SLC26A7: variants seen among roughly 807,000 people sequenced by gnomAD.
SLC26A7 encodes anion exchange transporter.
In SLC26A7, 59 loss-of-function variants were observed where a neutral mutation model predicts 82.5. The ratio of observed to expected loss-of-function variants is 0.72; its 90% CI spans 0.58 to 0.89. The LOEUF (loss-of-function observed/expected upper bound fraction) is 0.89. Ranked by LOEUF, SLC26A7 falls within the 40% of genes least tolerant of loss-of-function variation. SLC26A7 has a pLI of 0.00. For missense variants in SLC26A7, 820 were observed against 793.0 expected (o/e 1.03, Z -0.41); for synonymous variants, 271 against 274.3 (o/e 0.99, Z 0.12).
At chr8:91,389,907 C>G (rs867408704) in intron 16 of SLC26A7, among the ~76,000 whole-genome samples, 3 of 152,264 alleles carry the variant, frequency 2.0e-5, no homozygotes, top group Non-Finnish European at 2.9e-5. Flanking sequence ...TTTCTCTGTT[C>G]TCTCAGGCAA....
At chr8:91,302,143 T>C (rs1373021125) in intron 4 of SLC26A7, among the ~76,000 whole-genome samples, 4 of 152,104 alleles carry the variant, frequency 2.6e-5, no homozygotes, top group African/African-American at 9.7e-5. Flanking sequence ...TTTGTGAGTG[T>C]TTCATGAGCA....
chr8:91,389,301 A>AT (rs747849716), intron 15 of SLC26A7, 37 bp from the exon 16 acceptor site: 1 of 1,525,716 alleles, frequency 6.6e-7, no homozygotes, highest in Admixed American at 1.7e-5. Flanking sequence ...AAGTCTCTTA[A>AT]AACTCTCCCT....
intron 15 of SLC26A7, among the ~76,000 whole-genome samples, chr8:91,379,749 C>T (rs1182188213): frequency 6.6e-6 from 1 of 151,794 alleles, no homozygotes; most frequent in East Asian, 1.9e-4. Context: ...AATAAATTTC[C>T]TTAAAACAAG....
intron 18 of SLC26A7, 82 bp downstream of exon 18, chr8:91,394,121 T>C: frequency 6.3e-7 from 1 of 1,589,792 alleles, no homozygotes; most frequent in Non-Finnish European, 8.6e-7. Flanking sequence ...TATATTAGCT[T>C]ATTACTCCAT....
At chr8:91,342,490 A>G (rs890451861) in intron 8 of SLC26A7, among the ~76,000 whole-genome samples, 1 of 152,192 alleles carries the variant, frequency 6.6e-6, no homozygotes, top group Admixed American at 6.5e-5. Context: ...TGATGTAGTG[A>G]TGGATGAGAT....
rs1301895159 is a variant in SLC26A7 at position 91,307,383 on chromosome 8, A to C, written c.478-10833A>C. ...ATTGTGGCATTATTCACAATAGCAA[A>C]GACTTGGAACCAACCCAAATGTCCA... On this transcript the variant is annotated intron_variant, in intron 4 of 18. Coordinates refer to ENST00000276609, the MANE Select transcript of SLC26A7 (RefSeq NM_052832.4). Among the ~76,000 whole-genome samples, 7 of 140,386 alleles carry C rather than the reference A, an allele frequency of 5.0e-5. No individual in the cohort carries two copies. The East Asian group carries it at 1.5e-3, about 29-fold the overall frequency. 92.1% of individuals were successfully genotyped at this position (140,386 alleles called of 152,430 possible).
chr8:91,367,536 C>A (rs1019809872), intron 14 of SLC26A7, among the ~76,000 whole-genome samples: 6 of 151,356 alleles, frequency 4.0e-5, no homozygotes, highest in African/African-American at 1.5e-4. Context: ...CATTTGAATC[C>A]TTAAGCCTCT....
chr8:91,281,521 G>C (rs79482364), intron 2 of SLC26A7, among the ~76,000 whole-genome samples: 1 of 152,054 alleles, frequency 6.6e-6, no homozygotes, highest in African/African-American at 2.4e-5. Flanking sequence ...GGTATCCCGG[G>C]GTGTCCTAGA....
Position 91,249,634 on chromosome 8 carries a change from C to T in SLC26A7, c.-18C>T, listed in dbSNP as rs1380681290. The T allele has an allele frequency of 4.0e-6, 6 of 1,491,634 alleles. No individual in the cohort carries two copies. Among genetic ancestry groups the T allele is most frequent in the Non-Finnish European group, 4.5e-6 (5 of 1,121,240 alleles). The allele number at this position is 1,491,634 out of a possible 1,614,324, so 92.4% of individuals were successfully genotyped here. On this transcript the variant is annotated 5_prime_UTR_variant, in exon 2 of 19. Transcript: ENST00000276609. Reference sequence around the variant, plus strand: ...TCTTGTTTAGAGAAGTTTACTTCTACAAGAAGAAATCTGAAAAATGACAGG... The same window carrying T: ...TCTTGTTTAGAGAAGTTTACTTCTATAAGAAGAAATCTGAAAAATGACAGG...
intron 4 of SLC26A7, among the ~76,000 whole-genome samples, chr8:91,298,528 C>A (rs1388781150): frequency 2.0e-5 from 3 of 152,040 alleles, no homozygotes; most frequent in Middle Eastern, 6.3e-3. Context: ...TTAATACGAT[C>A]TTCAAGCATG....
At chr8:91,386,509 CATT>C (rs1474733283) in intron 15 of SLC26A7, among the ~76,000 whole-genome samples, 2 of 152,122 alleles carry the variant, frequency 1.3e-5, no homozygotes, top group Non-Finnish European at 2.9e-5. Flanking sequence ...TTTGTGTCAT[CATT>C]GTTATTTTAA....
Position 91,366,645 on chromosome 8 carries a change from A to G in SLC26A7, c.1554A>G (p.Lys518=). 2 of 1,613,732 alleles carry G rather than the reference A, an allele frequency of 1.2e-6. No individual in the cohort carries two copies. The highest frequency in any genetic ancestry group is 1.7e-6 in the Non-Finnish European group (2 of 1,179,860). Residue 518 remains lysine, a synonymous_variant, in exon 14 of 19, where the codon AAA becomes AAG. Coordinates refer to ENST00000276609, the MANE Select transcript of SLC26A7 (RefSeq NM_052832.4). ...CGCTTGTTTTCCTGAATGCAAAAAA[A>G]TTTTATACTGATTTAATGAACATGA... The part of the protein sequence containing the change: ...NNPLVFLNAK[K]FYTDLMNMIQ...
Position 91,255,803 on chromosome 8 carries a change from A to G in SLC26A7, c.193+5959A>G, listed in dbSNP as rs74643156. On this transcript the variant is annotated intron_variant, in intron 2 of 18. Coordinates refer to ENST00000276609, the MANE Select transcript of SLC26A7 (RefSeq NM_052832.4). ...TTATGCACTTAGCATAATGCTCCCTATAACATTTAGAGCTGTCCATATTGA... is the reference window on the plus strand; with the variant it reads ...TTATGCACTTAGCATAATGCTCCCTGTAACATTTAGAGCTGTCCATATTGA... Among the ~76,000 whole-genome samples, 1,174 of 152,254 alleles carry G rather than the reference A, an allele frequency of 7.7e-3. 11 individuals carry two copies. The highest frequency in any genetic ancestry group is 0.026 in the African/African-American group (1,066 of 41,564).
At chr8:91,243,677 T>G (rs1372544242) in intron 2 of SLC26A7, among the ~76,000 whole-genome samples, 1 of 152,166 alleles carries the variant, frequency 6.6e-6, no homozygotes, top group Non-Finnish European at 1.5e-5. Flanking sequence ...TGAGTAATCT[T>G]AGGAACTCAC....
At chr8:91,233,588 AG>A (rs1003242453) in intron 2 of SLC26A7, among the ~76,000 whole-genome samples, 1 of 152,008 alleles carries the variant, frequency 6.6e-6, no homozygotes, top group Non-Finnish European at 1.5e-5. Flanking sequence ...AAAAAGAAAA[AG>A]AAAAAAAAGA....
At chr8:91,238,333 C>G (rs532351338) in intron 2 of SLC26A7, among the ~76,000 whole-genome samples, 1 of 151,842 alleles carries the variant, frequency 6.6e-6, no homozygotes, top group Admixed American at 6.5e-5. Flanking sequence ...TGATGAGCTC[C>G]CTGCCTTCCA....
intron 15 of SLC26A7, among the ~76,000 whole-genome samples, chr8:91,378,910 T>C (rs1814593314): frequency 6.6e-6 from 1 of 152,072 alleles, no homozygotes; most frequent in Admixed American, 6.6e-5. Flanking sequence ...CATGAAATAA[T>C]TGTTTATTTA....
chr8:91,249,575 G>T lies in SLC26A7; in HGVS notation c.-77G>T. ...TAAACCACAGACGAATTGGAGCTTG[G>T]CATTGAAAGGAGGTGTTCTGCAATG... On this transcript the variant is annotated 5_prime_UTR_variant, in exon 2 of 19. Transcript: ENST00000276609. 8.5e-7 allele frequency: 1 copy of T among 1,177,300 alleles called. No homozygotes were observed. The highest frequency in any genetic ancestry group is 1.1e-6 in the Non-Finnish European group (1 of 878,892). 72.9% of individuals were successfully genotyped at this position (1,177,300 alleles called of 1,614,324 possible). A position where few individuals can be genotyped will look rare whatever the true frequency, so the allele number is the denominator to read the frequency against.
At chr8:91,317,167 A>AT (rs1339588781) in intron 4 of SLC26A7, among the ~76,000 whole-genome samples, 2 of 151,916 alleles carry the variant, frequency 1.3e-5, no homozygotes, top group Admixed American at 1.3e-4. Context: ...CTAAAAAAAA[A>AT]GAAAAAGGAA....
Sources: gnomAD v4.1 joint callset for allele counts (sites outside exome capture counted in the v4.1 genomes callset) on GRCh38, gnomAD v4.1.1 for gene constraint, MANE v1.5 for transcripts, NCBI Gene and HGNC (gene_info 2026-07-23, HGNC 2026-07-21) for gene names.